The following NTM variants were observed in gnomAD, a reference collection of about 807,000 sequenced individuals.
NTM encodes IgLON family member 2.
NTM carries 13 observed loss-of-function variants against 42.1 expected under a neutral mutation model. That is an observed-to-expected ratio of 0.31 (90% CI 0.20 to 0.49). NTM has a LOEUF of 0.49. Ranked by LOEUF, NTM falls within the 20% of genes least tolerant of loss-of-function variation. The pLI is 0.99. For missense variants in NTM, 373 were observed against 452.8 expected (o/e 0.82, Z 1.60); for synonymous variants, 187 against 179.2 (o/e 1.04, Z -0.35).
chr11:132,309,281 T>C (rs1424645383), intron 5 of NTM, among the ~76,000 whole-genome samples: 1 of 152,218 alleles, frequency 6.6e-6, no homozygotes, highest in African/African-American at 2.4e-5. Context: ...ACCAAGTGCG[T>C]AGGCCTAGCT....
chr11:131,614,934 T>A (rs1380942053), intron 1 of NTM, among the ~76,000 whole-genome samples: 1 of 152,204 alleles, frequency 6.6e-6, no homozygotes, highest in East Asian at 1.9e-4. Context: ...TCTGGCTGGC[T>A]CGCCAAGCTC....
rs180730971 is a variant in NTM at position 132,225,159 on chromosome 11, G to C, written c.526+13012G>C. ...TTATTCAATAGATATTTATTGAGTAGCTAAAGCACAACAGTGTATACTTAG... is the reference window on the plus strand; with the variant it reads ...TTATTCAATAGATATTTATTGAGTACCTAAAGCACAACAGTGTATACTTAG... On this transcript the variant is annotated intron_variant, in intron 4 of 8. Coordinates refer to ENST00000683400, the MANE Select transcript of NTM (RefSeq NM_001352005.2). 2.3e-3 allele frequency among the ~76,000 whole-genome samples: 347 copies of C among 152,324 alleles called. No homozygotes were observed. In the Middle Eastern group the frequency reaches 0.024, roughly 10 times the overall value.
intron 1 of NTM, among the ~76,000 whole-genome samples, chr11:131,775,110 TC>T (rs2086753745): frequency 6.6e-6 from 1 of 152,236 alleles, no homozygotes; most frequent in Admixed American, 6.5e-5. Context: ...ACAGGGCTCC[TC>T]CAGGGGAATG....
At chr11:131,638,280 A>C (rs1225454634) in intron 1 of NTM, among the ~76,000 whole-genome samples, 1 of 152,170 alleles carries the variant, frequency 6.6e-6, no homozygotes, top group Non-Finnish European at 1.5e-5. Flanking sequence ...ACATGCTAAC[A>C]AGGAGGCAGG....
chr11:131,451,297 G>A (rs1950468083), intron 1 of NTM, among the ~76,000 whole-genome samples: 1 of 152,178 alleles, frequency 6.6e-6, no homozygotes, highest in Admixed American at 6.5e-5. Flanking sequence ...ATGCACAAAA[G>A]AGAACTGTAT....
intron 1 of NTM, among the ~76,000 whole-genome samples, chr11:131,721,127 CAA>C (rs112854790): frequency 8.3e-5 from 12 of 143,764 alleles, no homozygotes; most frequent in East Asian, 2.0e-4. Context: ...ATTATCTCTA[CAA>C]AAAAAAAAAA....
At chr11:131,560,381 G>A (rs11222693) in intron 1 of NTM, among the ~76,000 whole-genome samples, 16,926 of 152,154 alleles carry the variant, frequency 0.11, 1,261 homozygotes, top group East Asian at 0.34. Flanking sequence ...ATACAAGGTC[G>A]TAGCCAGAAT....
At chr11:132,241,633 G>A (rs530711979) in intron 4 of NTM, among the ~76,000 whole-genome samples, 8 of 152,330 alleles carry the variant, frequency 5.3e-5, no homozygotes, top group African/African-American at 1.9e-4. Context: ...CCTCTTGCAT[G>A]TGTCTCTGTA....
chr11:131,649,110 A>G (rs905330033), intron 1 of NTM, among the ~76,000 whole-genome samples: 3 of 152,178 alleles, frequency 2.0e-5, no homozygotes, highest in African/African-American at 7.2e-5. Context: ...GTTTGTTCAG[A>G]TAATCACTGG....
chr11:131,857,969 C>T (rs893857639), intron 1 of NTM, among the ~76,000 whole-genome samples: 1 of 151,938 alleles, frequency 6.6e-6, no homozygotes, highest in Non-Finnish European at 1.5e-5. Context: ...CAGCTCTCCC[C>T]CTTTCTCTGT....
rs148237821 is a variant in NTM, at chr11:131,703,600, C to T, written c.83-207964C>T. On this transcript the variant is annotated intron_variant, in intron 1 of 8. Coordinates refer to ENST00000683400, the MANE Select transcript of NTM (RefSeq NM_001352005.2). Reference sequence around the variant, plus strand: ...CTCTTGTCTCCTCACAGAAACACTGCTTGGAACAATGCACACACAAAAACA... The same window carrying T: ...CTCTTGTCTCCTCACAGAAACACTGTTTGGAACAATGCACACACAAAAACA... 2.9e-3 allele frequency among the ~76,000 whole-genome samples: 442 copies of T among 152,286 alleles called. 8 individuals are homozygous for T. Among genetic ancestry groups the T allele is most frequent in the African/African-American group, 0.01 (421 of 41,550 alleles).
At chr11:131,518,292 G>A (rs2049151127) in intron 1 of NTM, among the ~76,000 whole-genome samples, 1 of 152,164 alleles carries the variant, frequency 6.6e-6, no homozygotes, top group Non-Finnish European at 1.5e-5. Context: ...ATGGGGACTG[G>A]AACCTGGATC....
chr11:131,876,985 A>G (rs2048626594), intron 1 of NTM, among the ~76,000 whole-genome samples: 1 of 152,030 alleles, frequency 6.6e-6, no homozygotes. Context: ...CAGCCTCCCA[A>G]GTAACTGGGA....
chr11:132,194,255 A>AAAG (rs2079801352), intron 3 of NTM, among the ~76,000 whole-genome samples: 1 of 152,194 alleles, frequency 6.6e-6, no homozygotes, highest in Non-Finnish European at 1.5e-5. Context: ...AACACATCAA[A>AAAG]AAGTTAATTT....
chr11:132,014,736 G>GT (rs146527050), intron 2 of NTM, among the ~76,000 whole-genome samples: 31,463 of 83,882 alleles, frequency 0.38, 6,149 homozygotes, highest in East Asian at 0.73. Context: ...AGAATTACTT[G>GT]TTTTTTTTTT....
intron 4 of NTM, among the ~76,000 whole-genome samples, chr11:132,236,226 A>G (rs1025443882): frequency 6.6e-6 from 1 of 152,192 alleles, no homozygotes; most frequent in Non-Finnish European, 1.5e-5. Flanking sequence ...ATAATGAGGT[A>G]AGTACCATTG....
At chr11:131,482,076 T>C (rs989304775) in intron 1 of NTM, among the ~76,000 whole-genome samples, 2 of 152,212 alleles carry the variant, frequency 1.3e-5, no homozygotes, top group Admixed American at 6.5e-5. Context: ...CTAGTTGGAA[T>C]TGGGCCAAGG....
At chr11:132,033,877 A>G (rs988197899) in intron 2 of NTM, among the ~76,000 whole-genome samples, 2 of 152,216 alleles carry the variant, frequency 1.3e-5, no homozygotes, top group Non-Finnish European at 1.5e-5. Context: ...TTTATATACA[A>G]TTTGAGATTG....
chr11:131,609,566 A>G (rs1160414098), intron 1 of NTM, among the ~76,000 whole-genome samples: 1 of 152,174 alleles, frequency 6.6e-6, no homozygotes, highest in Non-Finnish European at 1.5e-5. Flanking sequence ...TCCCGAGAAG[A>G]TCGAAGACGT....
Sources: allele counts gnomAD v4.1 joint callset (sites outside exome capture counted in the v4.1 genomes callset), GRCh38; gene constraint gnomAD v4.1.1; transcripts MANE v1.5; gene names NCBI Gene and HGNC (gene_info 2026-07-23, HGNC 2026-07-21).